Variants in PADI4 observed in about 807,000 individuals in gnomAD.
PADI4 encodes peptidyl arginine deiminase 4.
A neutral mutation model predicts 75.0 loss-of-function variants in PADI4; 62 were observed. The ratio of observed to expected loss-of-function variants is 0.83; its 90% confidence interval spans 0.67 to 1.02. The LOEUF (loss-of-function observed/expected upper bound fraction) is 1.02, where lower values mean the gene tolerates loss of function less well. Ranked by LOEUF, PADI4 falls within the 50% of genes least tolerant of loss-of-function variation. The probability of loss-of-function intolerance (pLI) is 0.00; values close to 1 mark genes in which losing one functional copy is unlikely to be tolerated. For missense variants in PADI4, 845 were observed against 850.5 expected (o/e 0.99, Z 0.08); for synonymous variants, 361 against 348.1 (o/e 1.04, Z -0.41).
chr1:17,341,766 C>T (rs2074422514), intron 6 of PADI4, among the ~76,000 whole-genome samples, 177 bp from the exon 7 acceptor site: 1 of 152,222 alleles, frequency 6.6e-6, no homozygotes, highest in African/African-American at 2.4e-5. Flanking sequence ...GGAGCAGCGT[C>T]CCAGCTAGAA....
Position 17,358,910 on chromosome 1 carries a change from T to TAA in PADI4, c.1629+3_1629+4insAA. 1.2e-6 allele frequency: 2 copies of TAA among 1,600,612 alleles called. No individual in the cohort carries two copies. Among genetic ancestry groups the TAA allele is most frequent in the Non-Finnish European group, 1.7e-6 (2 of 1,171,380 alleles). ...AGAGAACATAATTCATTTGTGGAGG[T>TAA]AGGAGCCTGGGTGCCTACACCCCAG... On this transcript the variant is annotated splice_region_variant and intron_variant, in intron 14 of 15. Coordinates refer to ENST00000375448, the MANE Select transcript of PADI4 (RefSeq NM_012387.3).
At chr1:17,317,538 G>A (rs912933836) in intron 1 of PADI4, among the ~76,000 whole-genome samples, 1 of 151,798 alleles carries the variant, frequency 6.6e-6, no homozygotes, top group African/African-American at 2.4e-5. Flanking sequence ...CAAAGTGCTG[G>A]GATTACAGGC....
rs542435769 is a variant in PADI4 at position 17,345,193 on chromosome 1, T to G, written c.936-835T>G. Among the ~76,000 whole-genome samples the G allele has an allele frequency of 2.0e-5, 3 of 152,346 alleles. No homozygotes were observed. In the South Asian group the frequency reaches 6.2e-4, roughly 32 times the overall value. On this transcript the variant is annotated intron_variant, in intron 8 of 15. Coordinates refer to ENST00000375448, the MANE Select transcript of PADI4 (RefSeq NM_012387.3). ...TGCCCTGCTGGATTTTGGACTTGCA[T>G]GGGCCCTGTAACCCCCTTGTTTTGG... is the stretch of plus-strand genomic sequence containing the variant.
chr1:17,308,577 A>G (rs2501799), intron 1 of PADI4, among the ~76,000 whole-genome samples: 141,371 of 152,220 alleles, frequency 0.93, 66,345 homozygotes, highest in South Asian at 1. Flanking sequence ...CAGGCCATCC[A>G]TCTCCCTGTC....
chr1:17,349,350 T>C (rs2074579216), intron 10 of PADI4, among the ~76,000 whole-genome samples: 1 of 152,216 alleles, frequency 6.6e-6, no homozygotes, highest in Non-Finnish European at 1.5e-5. Context: ...CAGACAACTT[T>C]GGATGAAGGC....
rs531814225 is a variant in PADI4 at position 17,308,231 on chromosome 1, G to A, written c.9G>A (p.Gln3=). 5.5e-5 allele frequency: 88 copies of A among 1,613,846 alleles called. No homozygotes were observed. In the East Asian group the frequency reaches 1.5e-3, roughly 28 times the overall value. ...GACGAGCTAGCCCGACGATGGCCCA[G>A]GGGACATTGATCCGTGTGACCCCAG... MA[Q]GTLIRVTPEQ... The change falls in exon 1 of 16, where the codon CAG becomes CAA. Residue 3 remains glutamine (Q), a synonymous_variant. Coordinates refer to ENST00000375448, the MANE Select transcript of PADI4 (RefSeq NM_012387.3).
chr1:17,359,029 C>A, intron 14 of PADI4, 121 bp downstream of exon 14: 1 of 732,934 alleles, frequency 1.4e-6, no homozygotes, highest in Non-Finnish European at 2.3e-6. Flanking sequence ...AAGACAGAGA[C>A]ACAGAAGCAA....
chr1:17,325,476 CTT>C (rs2074103148), intron 1 of PADI4, among the ~76,000 whole-genome samples: 1 of 146,784 alleles, frequency 6.8e-6, no homozygotes, highest in African/African-American at 2.7e-5. Context: ...TTCCTCTTTA[CTT>C]TATTAGTCAC....
intron 8 of PADI4, among the ~76,000 whole-genome samples, chr1:17,342,976 A>C (rs974032796): frequency 1.3e-5 from 2 of 152,166 alleles, no homozygotes; most frequent in South Asian, 2.1e-4. Context: ...CTCCATCTCA[A>C]AAATAAAATA....
rs141540006 is a variant in PADI4 at position 17,347,030 on chromosome 1, C to T, written c.1047+891C>T. 9.8e-4 allele frequency among the ~76,000 whole-genome samples: 149 copies of T among 152,132 alleles called. 1 individual carries two copies. The East Asian group carries it at 0.024, about 24-fold the overall frequency. ...TCGGCTCATCACAACCTCTGCCTCC[C>T]GGGTTCAAATGATTCTCCTGCCTCA... On this transcript the variant is annotated intron_variant, in intron 9 of 15. Coordinates refer to ENST00000375448, the MANE Select transcript of PADI4 (RefSeq NM_012387.3).
chr1:17,317,308 G>A (rs1295327150), intron 1 of PADI4, among the ~76,000 whole-genome samples: 3 of 152,030 alleles, frequency 2.0e-5, no homozygotes, highest in South Asian at 2.1e-4. Flanking sequence ...CGCTCTTGTC[G>A]CCTAGGCTGG....
In PADI4 at chr1:17,356,209, G is replaced by A. The variant is rs574632355; in HGVS notation, c.1455+82G>A. On this transcript the variant is annotated intron_variant, in intron 12 of 15. Coordinates refer to ENST00000375448, the MANE Select transcript of PADI4 (RefSeq NM_012387.3). This position sits in a 1 kb window ranked among gnomAD's most constrained non-coding sequence, Gnocchi z 4.1. ...GCCTGGGGTGGGAGCAACTTTACTTGTCTATTTCTCCTTCACCCTTAGGAT... is the reference window on the plus strand; with the variant it reads ...GCCTGGGGTGGGAGCAACTTTACTTATCTATTTCTCCTTCACCCTTAGGAT... The A allele has an allele frequency of 2.0e-6, 3 of 1,486,876 alleles. No homozygotes were observed. The East Asian group carries it at 6.9e-5, about 34-fold the overall frequency. 92.1% of individuals were successfully genotyped at this position (1,486,876 alleles called of 1,614,324 possible).
chr1:17,308,311 G>T lies in PADI4; in HGVS notation c.89G>T (p.Cys30Phe). 3 of 1,613,232 alleles carry T rather than the reference G, an allele frequency of 1.9e-6. No homozygotes were observed. The highest frequency in any genetic ancestry group is 1.3e-5 in the African/African-American group (1 of 75,012). Reference protein sequence around the residue: ...VLGTLTQLDICSSAPEDCTSF... With the variant: ...VLGTLTQLDIFSSAPEDCTSF... Reference sequence around the variant, plus strand: ...GGCACCTTGACTCAGCTTGACATCTGCAGGTAAGAGGGGGGCCTTCTGGGG... The same window carrying T: ...GGCACCTTGACTCAGCTTGACATCTTCAGGTAAGAGGGGGGCCTTCTGGGG... Residue 30 changes from cysteine (C) to phenylalanine (F), a missense_variant, in exon 1 of 16, where the codon TGC becomes TTC. Coordinates refer to ENST00000375448, the MANE Select transcript of PADI4 (RefSeq NM_012387.3).
chr1:17,362,573 T>C (rs1016814809), intron 15 of PADI4, among the ~76,000 whole-genome samples: 2 of 151,876 alleles, frequency 1.3e-5, no homozygotes, highest in Admixed American at 1.3e-4. Context: ...GGCTGGAAAA[T>C]TACCTATCGG....
chr1:17,334,821 A>G, intron 3 of PADI4: 1 of 352,698 alleles, frequency 2.8e-6, no homozygotes, highest in South Asian at 2.2e-5. Flanking sequence ...CAATAATATC[A>G]TGATTAGTAT....
At chr1:17,343,091 G>A (rs1570056895) in intron 8 of PADI4, among the ~76,000 whole-genome samples, 1 of 152,204 alleles carries the variant, frequency 6.6e-6, no homozygotes, top group African/African-American at 2.4e-5. Flanking sequence ...GGAGGCTGAG[G>A]CAGGAGAATC....
chr1:17,319,365 A>T (rs1304277194), intron 1 of PADI4, among the ~76,000 whole-genome samples: 1 of 152,142 alleles, frequency 6.6e-6, no homozygotes, highest in Non-Finnish European at 1.5e-5. Flanking sequence ...CAGGAGTTCA[A>T]GACCAGTCTG....
chr1:17,341,067 C>G (rs1348846689), intron 6 of PADI4, among the ~76,000 whole-genome samples: 3 of 150,014 alleles, frequency 2.0e-5, no homozygotes, highest in Non-Finnish European at 4.4e-5. Context: ...TCCCCAAGCA[C>G]TAGGATTACA....
chr1:17,351,137 G>T lies in PADI4; in HGVS notation c.1155+3089G>T, dbSNP rs111901574. 9.2e-3 allele frequency among the ~76,000 whole-genome samples: 1,226 copies of T among 132,740 alleles called. 92 individuals carry two copies. The highest frequency in any genetic ancestry group is 0.03 in the African/African-American group (1,156 of 38,838). The allele number at this position is 132,740 out of a possible 152,430, so 87.1% of individuals were successfully genotyped here. ...CGCTTGAGCCCAGGAGGTCAAGGCT[G>T]CAGCGAGTCATGATTGCACTTCTGC... On this transcript the variant is annotated intron_variant, in intron 10 of 15. Transcript: ENST00000375448.
Sources: allele counts gnomAD v4.1 joint callset (sites outside exome capture counted in the v4.1 genomes callset), GRCh38; gene constraint gnomAD v4.1.1; non-coding constraint Gnocchi (gnomAD v3.1); transcripts MANE v1.5; gene names NCBI Gene and HGNC (gene_info 2026-07-23, HGNC 2026-07-21).